The following ADGRG3 variants were observed in gnomAD, a reference collection of about 807,000 sequenced individuals.
The protein encoded by ADGRG3 is adhesion G protein-coupled receptor G3, also known as G protein-coupled receptor 97.
Under a neutral mutation model 54.3 loss-of-function variants are expected in ADGRG3, and 39 were observed. The observed-to-expected ratio is 0.72, with a 90% CI of 0.56 to 0.94. ADGRG3 has a LOEUF of 0.94. Ranked by LOEUF, ADGRG3 falls within the 40% of genes least tolerant of loss-of-function variation. The probability of loss-of-function intolerance (pLI) is 0.00; values close to 1 mark genes in which losing one functional copy is unlikely to be tolerated. For missense variants in ADGRG3, 654 were observed against 694.6 expected, an observed-to-expected ratio of 0.94 and a Z score of 0.66; for synonymous variants, 312 against 290.0, an observed-to-expected ratio of 1.08 and a Z score of -0.77.
chr16:57,684,189 TG>T lies in ADGRG3; in HGVS notation c.1140del (p.Lys381SerfsTer2). The T allele has an allele frequency of 6.2e-7, 1 of 1,613,468 alleles. No individual in the cohort carries two copies. Among genetic ancestry groups the T allele is most frequent in the Non-Finnish European group, 8.5e-7 (1 of 1,179,578 alleles). ...AACACCTACTTCGGGCACTACTTCC[TG>T]AAGCTGAGCCTGGTGGGCTGGGGTA... ...VFNTYFGHYFLKLSLVGWGLP... is the reference protein window; with the variant it reads ...VFNTYFGHYFXKLSLVGWGLP... On this transcript the variant is annotated frameshift_variant, in exon 9 of 12. Coordinates refer to ENST00000333493, the MANE Select transcript of ADGRG3 (RefSeq NM_170776.5). LOFTEE classifies it high-confidence loss of function.
chr16:57,675,012 A>AAGCAGCAGC (rs1555569015), intron 2 of ADGRG3, among the ~76,000 whole-genome samples: 2 of 115,340 alleles, frequency 1.7e-5, no homozygotes, highest in Non-Finnish European at 3.6e-5. Context: ...AAAAAAAAAA[A>AAGCAGCAGC]AGCAGCAGCA....
At chr16:57,685,198 C>G (rs1333993957) in intron 10 of ADGRG3, among the ~76,000 whole-genome samples, 1 of 152,140 alleles carries the variant, frequency 6.6e-6, no homozygotes. Context: ...AGCAGGGGCC[C>G]CAGGAGCTGG....
intron 1 of ADGRG3, among the ~76,000 whole-genome samples, chr16:57,673,020 G>A (rs1325825062): frequency 2.0e-5 from 3 of 152,164 alleles, no homozygotes; most frequent in Non-Finnish European, 2.9e-5. Flanking sequence ...TGGAGGAAGG[G>A]GTAAAGGAGT....
chr16:57,675,229 A>T (rs1278781745), intron 2 of ADGRG3, among the ~76,000 whole-genome samples: 3 of 152,030 alleles, frequency 2.0e-5, no homozygotes, highest in African/African-American at 7.2e-5. Context: ...AAGTCATCCC[A>T]GTACTTTGGG....
chr16:57,682,723 G>A, intron 8 of ADGRG3: 1 of 777,426 alleles, frequency 1.3e-6, no homozygotes, highest in Non-Finnish European at 1.6e-6. Context: ...AGAATTCAGA[G>A]TGGGGGCTCC....
chr16:57,688,585 T>G lies in ADGRG3; in HGVS notation c.*124T>G. On this transcript the variant is annotated 3_prime_UTR_variant, in exon 12 of 12. Transcript: ENST00000333493. ...ACAATGTGGCTGGGGAGGGAGAGGA[T>G]GGGACCAGGTTGGACCACGTGGCAT... 1.4e-6 allele frequency: 1 copy of G among 712,020 alleles called. No individual in the cohort carries two copies. Among genetic ancestry groups the G allele is most frequent in the South Asian group, 1.5e-5 (1 of 65,078 alleles). 44.1% of individuals were successfully genotyped at this position (712,020 alleles called of 1,614,324 possible). A position where few individuals can be genotyped will look rare whatever the true frequency, so the allele number is the denominator to read the frequency against.
chr16:57,682,762 A>C, intron 8 of ADGRG3: 1 of 449,110 alleles, frequency 2.2e-6, no homozygotes, highest in Non-Finnish European at 2.9e-6. Flanking sequence ...CTGGTGAGTC[A>C]CTGGACAGGG....
chr16:57,678,471 A>T (rs556060025), intron 4 of ADGRG3, 155 bp downstream of exon 4: 4 of 659,096 alleles, frequency 6.1e-6, no homozygotes, highest in African/African-American at 5.4e-5. Context: ...GCCATCTCAG[A>T]CACCTGTCAC....
chr16:57,678,060 C>T, intron 3 of ADGRG3, 110 bp from the exon 4 acceptor site: 1 of 1,351,536 alleles, frequency 7.4e-7, no homozygotes, highest in South Asian at 1.3e-5. Flanking sequence ...TGACAGTCCC[C>T]AGGTGCTGCC....
At chr16:57,683,301 C>A (rs79397997) in intron 8 of ADGRG3, among the ~76,000 whole-genome samples, 1 of 152,114 alleles carries the variant, frequency 6.6e-6, no homozygotes, top group Non-Finnish European at 1.5e-5. Flanking sequence ...ACTTTGGGCC[C>A]GTGTACGTTT....
intron 11 of ADGRG3, among the ~76,000 whole-genome samples, chr16:57,687,360 T>C (rs2122485): frequency 0.34 from 51,880 of 152,018 alleles, 9,235 homozygotes; most frequent in African/African-American, 0.44. Context: ...AAGTAATTCT[T>C]CTGGTTTCAG....
At chr16:57,682,555 C>A in intron 8 of ADGRG3, 1 of 985,404 alleles carries the variant, frequency 1.0e-6, no homozygotes, top group South Asian at 4.7e-5. Context: ...CATTGCTGGA[C>A]CCTGTGAGCG....
intron 11 of ADGRG3, 101 bp downstream of exon 11, chr16:57,686,027 C>A: frequency 8.3e-7 from 1 of 1,206,016 alleles, no homozygotes; most frequent in Non-Finnish European, 1.2e-6. Context: ...GGACTCTGTT[C>A]AGGCTAGCTG....
At chr16:57,685,285 G>C (rs1255868161) in intron 10 of ADGRG3, among the ~76,000 whole-genome samples, 2 of 152,196 alleles carry the variant, frequency 1.3e-5, no homozygotes, top group Admixed American at 1.3e-4. Context: ...TCTAATTAGC[G>C]GTCAGTTACT....
At chr16:57,687,954 T>TA (rs1390526946) in intron 11 of ADGRG3, among the ~76,000 whole-genome samples, 17 of 152,218 alleles carry the variant, frequency 1.1e-4, no homozygotes, top group African/African-American at 3.4e-4. Context: ...CCTTGAAACA[T>TA]AGAGTTTTTC....
Position 57,680,252 on chromosome 16 carries a change from G to A in ADGRG3, c.668-13G>A. 5.2e-6 allele frequency: 8 copies of A among 1,532,194 alleles called. No individual in the cohort carries two copies. The highest frequency in any genetic ancestry group is 7.2e-6 in the Non-Finnish European group (8 of 1,118,754). The allele number at this position is 1,532,194 out of a possible 1,614,324, so 94.9% of individuals were successfully genotyped here. The stretch of plus-strand genomic sequence containing the variant: ...TATTCCCTTTCCCTCTGTTCCCCTG[G>A]CCTCCTCTCCAGGGACCACTGGAGA... On this transcript the variant is annotated splice_polypyrimidine_tract_variant and intron_variant, in intron 6 of 11. Coordinates refer to ENST00000333493, the MANE Select transcript of ADGRG3 (RefSeq NM_170776.5).
chr16:57,674,208 A>G (rs1027078272), intron 2 of ADGRG3, among the ~76,000 whole-genome samples: 1 of 152,112 alleles, frequency 6.6e-6, no homozygotes, highest in African/African-American at 2.4e-5. Context: ...AGTGAGGGCC[A>G]AGTCAGCACC....
intron 5 of ADGRG3, 110 bp downstream of exon 5, chr16:57,679,421 C>A: frequency 8.1e-7 from 1 of 1,227,854 alleles, no homozygotes; most frequent in Non-Finnish European, 1.2e-6. Flanking sequence ...CCTACCCTTC[C>A]ACAGTCGCCC....
chr16:57,684,294 G>A, intron 9 of ADGRG3, 82 bp downstream of exon 9: 3 of 1,571,400 alleles, frequency 1.9e-6, no homozygotes, highest in South Asian at 2.3e-5. Flanking sequence ...GAGAGGAGGG[G>A]TTCCCAGAGC....
Sources: allele counts gnomAD v4.1 joint callset (sites outside exome capture counted in the v4.1 genomes callset), GRCh38; gene constraint gnomAD v4.1.1; transcripts MANE v1.5; gene names NCBI Gene and HGNC (gene_info 2026-07-23, HGNC 2026-07-21).